GRIN3A: variants seen among roughly 807,000 people sequenced by gnomAD.
The protein encoded by GRIN3A is glutamate receptor ionotropic, NMDA 3A.
In GRIN3A, 47 loss-of-function variants were observed where a neutral mutation model predicts 92.4. The ratio of observed to expected loss-of-function variants is 0.51; its 90% CI spans 0.40 to 0.65. GRIN3A has a LOEUF of 0.65. Ranked by LOEUF, GRIN3A falls within the 30% of genes least tolerant of loss-of-function variation. The pLI is 0.00. For missense variants in GRIN3A, 1,324 were observed against 1,393.1 expected, an observed-to-expected ratio of 0.95 and a Z score of 0.79; for synonymous variants, 527 against 540.6, an observed-to-expected ratio of 0.97 and a Z score of 0.35.
chr9:101,698,948 G>T (rs1157980833), intron 1 of GRIN3A, among the ~76,000 whole-genome samples: 1 of 152,160 alleles, frequency 6.6e-6, no homozygotes, highest in African/African-American at 2.4e-5. Flanking sequence ...GATTACAGGT[G>T]TGAGCCACTG....
At chr9:101,646,115 GT>G (rs1181823247) in intron 3 of GRIN3A, among the ~76,000 whole-genome samples, 1 of 151,694 alleles carries the variant, frequency 6.6e-6, no homozygotes, top group Non-Finnish European at 1.5e-5. Flanking sequence ...CACGTTGCTT[GT>G]GCTTTTGAGA....
In GRIN3A at chr9:101,570,221, A is replaced by T. The variant is rs967788685; in HGVS notation, c.*2953T>A. On this transcript the variant is annotated 3_prime_UTR_variant, in exon 9 of 9. Coordinates refer to ENST00000361820, the MANE Select transcript of GRIN3A (RefSeq NM_133445.3). The stretch of plus-strand genomic sequence containing the variant: ...TATATCTGTTCCAGCTCATCTGAGC[A>T]TGCTTTATCATGTGCTTCCTGTGCC... 2.6e-5 allele frequency: 4 copies of T among 152,224 alleles called. No homozygotes were observed. The highest frequency in any genetic ancestry group is 9.7e-5 in the African/African-American group (4 of 41,416). The allele number at this position is 152,224 out of a possible 1,614,324, so 9.4% of individuals were successfully genotyped here.
Position 101,738,081 on chromosome 9 carries a change from C to T in GRIN3A, c.-102G>A. On this transcript the variant is annotated 5_prime_UTR_variant, in exon 1 of 9. Transcript: ENST00000361820. ...CGCCTCCAGGTCCCGCGCGCAGCTT[C>T]ACTCCACTCGGTGAAGCGGTCCCAG... is the stretch of plus-strand genomic sequence containing the variant. 1.0e-6 allele frequency: 1 copy of T among 994,168 alleles called. No individual in the cohort carries two copies. 61.6% of individuals were successfully genotyped at this position (994,168 alleles called of 1,614,324 possible). A position where few individuals can be genotyped will look rare whatever the true frequency, so the allele number is the denominator to read the frequency against.
intron 3 of GRIN3A, among the ~76,000 whole-genome samples, chr9:101,657,332 A>G (rs1231287687): frequency 6.6e-6 from 1 of 151,982 alleles, no homozygotes; most frequent in Non-Finnish European, 1.5e-5. Context: ...TTAATTTGAT[A>G]ATTCACAACC....
At chr9:101,598,671 C>T (rs1449890665) in intron 6 of GRIN3A, among the ~76,000 whole-genome samples, 3 of 152,180 alleles carry the variant, frequency 2.0e-5, no homozygotes, top group African/African-American at 7.2e-5. Flanking sequence ...GTTACTTACC[C>T]TACTAGTAGA....
At chr9:101,641,448 A>G (rs923580937) in intron 3 of GRIN3A, among the ~76,000 whole-genome samples, 2 of 152,158 alleles carry the variant, frequency 1.3e-5, no homozygotes, top group Non-Finnish European at 2.9e-5. Flanking sequence ...ATGGAATACT[A>G]TGCAGTTCAT....
chr9:101,624,582 C>T (rs1042556273), intron 4 of GRIN3A, among the ~76,000 whole-genome samples: 2 of 152,094 alleles, frequency 1.3e-5, no homozygotes, highest in Admixed American at 1.3e-4. Context: ...GCATAGTATT[C>T]CATGGTGTAT....
chr9:101,666,237 C>T (rs549399059), intron 3 of GRIN3A, among the ~76,000 whole-genome samples: 4 of 152,118 alleles, frequency 2.6e-5, no homozygotes, highest in African/African-American at 7.2e-5. Context: ...TGGCCTCCCT[C>T]TGCCAGGATT....
chr9:101,705,772 T>A (rs376583030), intron 1 of GRIN3A, among the ~76,000 whole-genome samples: 1 of 152,212 alleles, frequency 6.6e-6, no homozygotes, highest in Admixed American at 6.5e-5. Context: ...CTAACATTTA[T>A]TGGATGCATG....
chr9:101,569,950 C>T lies in GRIN3A; in HGVS notation c.*3224G>A, dbSNP rs1219460942. The T allele has an allele frequency of 6.6e-6, 1 of 152,212 alleles. No individual in the cohort carries two copies. The highest frequency in any genetic ancestry group is 1.5e-5 in the Non-Finnish European group (1 of 68,096). The allele number at this position is 152,212 out of a possible 1,614,324, so 9.4% of individuals were successfully genotyped here. On this transcript the variant is annotated 3_prime_UTR_variant, in exon 9 of 9. Coordinates refer to ENST00000361820, the MANE Select transcript of GRIN3A (RefSeq NM_133445.3). ...GGCACTTGCTCCGCTTACCACTTTTCTGGCTGGAAGGGAAGCAGCAGCTCT... is the reference window on the plus strand; with the variant it reads ...GGCACTTGCTCCGCTTACCACTTTTTTGGCTGGAAGGGAAGCAGCAGCTCT...
intron 2 of GRIN3A, among the ~76,000 whole-genome samples, chr9:101,680,431 A>G (rs1052300420): frequency 1.3e-5 from 2 of 152,234 alleles, no homozygotes; most frequent in African/African-American, 2.4e-5. Flanking sequence ...ATTTATTATT[A>G]ATAAAAGGCC....
At chr9:101,597,534 C>T (rs56363225) in intron 6 of GRIN3A, among the ~76,000 whole-genome samples, 4,408 of 152,258 alleles carry the variant, frequency 0.029, 182 homozygotes, top group African/African-American at 0.1. Flanking sequence ...TCCACTAGCT[C>T]ATTCATTAGT....
chr9:101,612,942 G>T (rs1298135688), intron 6 of GRIN3A, among the ~76,000 whole-genome samples: 1 of 152,138 alleles, frequency 6.6e-6, no homozygotes, highest in Non-Finnish European at 1.5e-5. Context: ...ATCCACAAAG[G>T]CTTTATCTTT....
chr9:101,667,169 C>T (rs1185032554), intron 3 of GRIN3A, among the ~76,000 whole-genome samples: 1 of 151,864 alleles, frequency 6.6e-6, no homozygotes, highest in Non-Finnish European at 1.5e-5. Context: ...CTTCGTATTA[C>T]CTATATACTT....
rs559954659 is a variant in GRIN3A, at chr9:101,655,951, G to C, written c.2352+14109C>G. On this transcript the variant is annotated intron_variant, in intron 3 of 8. Coordinates refer to ENST00000361820, the MANE Select transcript of GRIN3A (RefSeq NM_133445.3). The stretch of plus-strand genomic sequence containing the variant: ...TTGCAGATGAGAGGCCTGTGTAAAA[G>C]TGTGCAGATGATAAAATTATGTGAA... 2.0e-5 allele frequency among the ~76,000 whole-genome samples: 3 copies of C among 152,056 alleles called. No homozygotes were observed. In the South Asian group the frequency reaches 6.2e-4, roughly 31 times the overall value.
intron 1 of GRIN3A, among the ~76,000 whole-genome samples, chr9:101,695,883 C>G (rs534204992): frequency 1.3e-5 from 2 of 152,236 alleles, no homozygotes; most frequent in South Asian, 4.1e-4. Context: ...AATGCTGGAG[C>G]TCTCGAGCCT....
At chr9:101,599,265 A>G (rs1828180921) in intron 6 of GRIN3A, among the ~76,000 whole-genome samples, 1 of 152,188 alleles carries the variant, frequency 6.6e-6, no homozygotes, top group South Asian at 2.1e-4. Flanking sequence ...GGAATATTGA[A>G]TGGTTACACA....
At chr9:101,709,901 T>C (rs1829858711) in intron 1 of GRIN3A, among the ~76,000 whole-genome samples, 1 of 152,236 alleles carries the variant, frequency 6.6e-6, no homozygotes, top group Non-Finnish European at 1.5e-5. Flanking sequence ...GAATGATAGA[T>C]GTCATTTTAT....
chr9:101,736,452 T>C (rs1464216912), intron 1 of GRIN3A, among the ~76,000 whole-genome samples: 1 of 152,246 alleles, frequency 6.6e-6, no homozygotes, highest in Non-Finnish European at 1.5e-5. Flanking sequence ...ATTGAAAATA[T>C]GTTTAGCTTT....
Sources: allele counts gnomAD v4.1 joint callset (sites outside exome capture counted in the v4.1 genomes callset), GRCh38; gene constraint gnomAD v4.1.1; transcripts MANE v1.5; gene names NCBI Gene and HGNC (gene_info 2026-07-23, HGNC 2026-07-21).